Variants in MRPL14 observed in about 807,000 individuals in gnomAD.
MRPL14 encodes mitochondrial ribosomal protein L14.
MRPL14 carries 8 observed loss-of-function variants against 10.9 expected under a neutral mutation model. The observed-to-expected ratio is 0.74, with a 90% confidence interval of 0.43 to 1.33. MRPL14 has a LOEUF of 1.33. MRPL14 is among the 40% of genes most tolerant of loss of function. The probability of loss-of-function intolerance (pLI) is 0.01; values close to 1 mark genes in which losing one functional copy is unlikely to be tolerated. For missense variants in MRPL14, 179 were observed against 194.5 expected, an observed-to-expected ratio of 0.92 and a Z score of 0.47; for synonymous variants, 82 against 74.1, an observed-to-expected ratio of 1.11 and a Z score of -0.54.
Position 44,113,579 on chromosome 6 carries a change from A to G in MRPL14, c.*264T>C. 1 of 332,290 alleles carries G rather than the reference A, an allele frequency of 3.0e-6. No homozygotes were observed. The allele number at this position is 332,290 out of a possible 1,614,324, so 20.6% of individuals were successfully genotyped here. On this transcript the variant is annotated 3_prime_UTR_variant, in exon 3 of 3. Coordinates refer to ENST00000372014, the MANE Select transcript of MRPL14 (RefSeq NM_032111.4). ...AAGCAAGGGCTCAGACCCTGGCACC[A>G]AGGCTGCTCCATGTAAAGAATGCTA... is the stretch of plus-strand genomic sequence containing the variant.
chr6:44,121,811 G>A (rs564164986), intron 1 of MRPL14, among the ~76,000 whole-genome samples: 31 of 152,040 alleles, frequency 2.0e-4, no homozygotes, highest in Non-Finnish European at 4.3e-4. Flanking sequence ...GTGGTGGCAC[G>A]TGCCTGTAGT....
At chr6:44,116,940 C>G (rs1349501668) in intron 1 of MRPL14, among the ~76,000 whole-genome samples, 2 of 152,168 alleles carry the variant, frequency 1.3e-5, no homozygotes, top group African/African-American at 2.4e-5. Flanking sequence ...AAAATATGAG[C>G]CCTTGGTTAT....
At position 44,122,079 on chromosome 6, in the gene MRPL14, TC is replaced by T. The variant is rs564993984; in HGVS notation, c.-19+5264del. ...GAGCCTCATAGGCACAGAGAGCTCT[TC>T]CCCCCCCTCTTTTTTTTTTGGAGAC... On this transcript the variant is annotated intron_variant, in intron 1 of 2. Coordinates refer to ENST00000372014, the MANE Select transcript of MRPL14 (RefSeq NM_032111.4). 6.1e-4 allele frequency among the ~76,000 whole-genome samples: 90 copies of T among 147,348 alleles called. 1 individual carries two copies. Among genetic ancestry groups the T allele is most frequent in the Admixed American group, 3.2e-3 (46 of 14,504 alleles).
At chr6:44,125,234 T>C (rs1410908825) in intron 1 of MRPL14, among the ~76,000 whole-genome samples, 1 of 152,172 alleles carries the variant, frequency 6.6e-6, no homozygotes, top group Non-Finnish European at 1.5e-5. Context: ...CTGGAAAGTG[T>C]CACTTGATGG....
intron 1 of MRPL14, among the ~76,000 whole-genome samples, chr6:44,125,139 G>A (rs537129352): frequency 1.3e-5 from 2 of 152,206 alleles, no homozygotes; most frequent in East Asian, 3.9e-4. Context: ...ATATTCAGGA[G>A]CAATAATAAA....
chr6:44,114,281 C>A, intron 2 of MRPL14, 72 bp from the exon 3 acceptor site: 1 of 1,514,528 alleles, frequency 6.6e-7, no homozygotes, highest in South Asian at 1.3e-5. Context: ...TCTGAGAGGT[C>A]AAGGCTAGGG....
Position 44,113,968 on chromosome 6 carries a change from C to T in MRPL14, c.313G>A (p.Val105Met), listed in dbSNP as rs368010900. 1.8e-5 allele frequency: 29 copies of T among 1,613,930 alleles called. No individual in the cohort carries two copies. The highest frequency in any genetic ancestry group is 8.8e-5 in the South Asian group (8 of 91,086). Residue 105 changes from valine to methionine, a missense_variant, in exon 3 of 3, where the codon GTG (valine) becomes ATG (methionine). Transcript: ENST00000372014. The part of the protein sequence containing the change: ...RMTPRFDSNN[V>M]VLIEDNGNPV... ...TTCCCGTTGTCCTCAATGAGGACCA[C>T]GTTGTTGGAGTCGAATCTGGGGGTC...
chr6:44,118,557 T>C (rs544672926), intron 1 of MRPL14, among the ~76,000 whole-genome samples: 32 of 152,214 alleles, frequency 2.1e-4, no homozygotes, highest in Non-Finnish European at 4.3e-4. Context: ...GAGCCCTGGG[T>C]GTCAAGCAGC....
rs769979284 is a variant in MRPL14 at position 44,116,604 on chromosome 6, A to C, written c.8T>G (p.Phe3Cys). 8.1e-6 allele frequency: 13 copies of C among 1,614,070 alleles called. No individual in the cohort carries two copies. Among genetic ancestry groups the C allele is most frequent in the South Asian group, 1.1e-5 (1 of 91,086 alleles). MA[F>C]FTGLWGPFTC... ...GAAGGGGCCCCAGAGCCCAGTAAAG[A>C]AAGCCATGGGATCCCAAGATAGATC... Residue 3 changes from phenylalanine to cysteine, a missense_variant, in exon 2 of 3, where the codon TTC becomes TGC. Physicochemically the swap from Phe to Cys is radical, Grantham distance 205. Transcript: ENST00000372014.
rs945261321 is a variant in MRPL14 at position 44,113,622 on chromosome 6, C to T, written c.*221G>A. On this transcript the variant is annotated 3_prime_UTR_variant, in exon 3 of 3. Coordinates refer to ENST00000372014, the MANE Select transcript of MRPL14 (RefSeq NM_032111.4). ...GAATGCTACCCCGTGTGGCCAGACT[C>T]GGGTAAGCCACCTTTCAACTGCTTC... is the stretch of plus-strand genomic sequence containing the variant. 1.9e-5 allele frequency: 9 copies of T among 465,688 alleles called. No individual in the cohort carries two copies. The highest frequency in any genetic ancestry group is 1.2e-4 in the African/African-American group (6 of 51,250). 28.8% of individuals were successfully genotyped at this position (465,688 alleles called of 1,614,324 possible).
Position 44,114,178 on chromosome 6 carries a change from T to C in MRPL14, c.103A>G (p.Met35Val), listed in dbSNP as rs757108501. ...TTGSLSAIQKMTRVRVVDNSA... is the reference protein window; with the variant it reads ...TTGSLSAIQKVTRVRVVDNSA... ...TTGTCCACCACTCGTACCCGCGTCA[T>C]CTTCTGAATCGCACTCAGACTCCCA... Residue 35 changes from methionine (M) to valine (V), a missense_variant, in exon 3 of 3, where the codon ATG (methionine) becomes GTG (valine). Transcript: ENST00000372014. 1.9e-6 allele frequency: 3 copies of C among 1,612,094 alleles called. No homozygotes were observed. The highest frequency in any genetic ancestry group is 1.7e-6 in the Non-Finnish European group (2 of 1,178,482).
At chr6:44,121,098 G>A (rs1372108754) in intron 1 of MRPL14, among the ~76,000 whole-genome samples, 1 of 152,076 alleles carries the variant, frequency 6.6e-6, no homozygotes, top group African/African-American at 2.4e-5. Context: ...TCCACCCTAT[G>A]GACACAGACC....
Position 44,113,569 on chromosome 6 carries a change from C to T in MRPL14, c.*274G>A. On this transcript the variant is annotated 3_prime_UTR_variant, in exon 3 of 3. Transcript: ENST00000372014. ...CAAACCAGAAAAGCAAGGGCTCAGA[C>T]CCTGGCACCAAGGCTGCTCCATGTA... 1 of 312,292 alleles carries T rather than the reference C, an allele frequency of 3.2e-6. No homozygotes were observed. Among genetic ancestry groups the T allele is most frequent in the Non-Finnish European group, 5.8e-6 (1 of 171,330 alleles). The allele number at this position is 312,292 out of a possible 1,614,324, so 19.3% of individuals were successfully genotyped here. A position where few individuals can be genotyped will look rare whatever the true frequency, so the allele number is the denominator to read the frequency against.
intron 1 of MRPL14, 78 bp from the exon 2 acceptor site, chr6:44,116,707 T>C: frequency 2.2e-6 from 2 of 908,016 alleles, no homozygotes; most frequent in East Asian, 2.4e-5. Flanking sequence ...GGGACTTGTG[T>C]GGGAGATGGC....
chr6:44,126,858 G>C (rs1471737470), intron 1 of MRPL14: 1 of 152,206 alleles, frequency 6.6e-6, no homozygotes, highest in Non-Finnish European at 1.5e-5. Flanking sequence ...CCCCTGGCCT[G>C]GGGGAGGGCG....
intron 1 of MRPL14, among the ~76,000 whole-genome samples, chr6:44,117,433 C>G (rs1775954932): frequency 6.6e-6 from 1 of 152,186 alleles, no homozygotes; most frequent in Admixed American, 6.5e-5. Context: ...TCAGAGCATG[C>G]TTCAGAAAGG....
At chr6:44,125,609 A>G (rs1225863220) in intron 1 of MRPL14, among the ~76,000 whole-genome samples, 1 of 143,616 alleles carries the variant, frequency 7.0e-6, no homozygotes, top group Non-Finnish European at 1.5e-5. Context: ...CTGAGATCGC[A>G]CTGCTGCACC....
rs1477777162 is a variant in MRPL14, at chr6:44,116,865, G to T, written c.-18-236C>A. 3.3e-5 allele frequency among the ~76,000 whole-genome samples: 5 copies of T among 152,152 alleles called. No individual in the cohort carries two copies. In the East Asian group the frequency reaches 5.8e-4, roughly 18 times the overall value. ...GGGAGAATGGCCCACAACAGCTTCT[G>T]CTATAAAAAAATACAACAGCACGGA... On this transcript the variant is annotated intron_variant, in intron 1 of 2. Transcript: ENST00000372014.
intron 1 of MRPL14, among the ~76,000 whole-genome samples, chr6:44,124,538 A>C (rs2128202771): frequency 6.6e-6 from 1 of 152,364 alleles, no homozygotes; most frequent in African/African-American, 2.4e-5. Flanking sequence ...TGCCTCTTTA[A>C]GATCATAGCC....
Sources: gnomAD v4.1 joint callset for allele counts (sites outside exome capture counted in the v4.1 genomes callset) on GRCh38, gnomAD v4.1.1 for gene constraint, MANE v1.5 for transcripts, NCBI Gene and HGNC (gene_info 2026-07-23, HGNC 2026-07-21) for gene names.